The following KAZN variants were observed in gnomAD, a reference collection of about 807,000 sequenced individuals.
KAZN encodes kazrin, periplakin interacting protein.
Under a neutral mutation model 87.4 loss-of-function variants are expected in KAZN, and 40 were observed. The ratio of observed to expected loss-of-function variants is 0.46; its 90% confidence interval spans 0.36 to 0.60. The LOEUF is 0.60. KAZN is among the 20% of genes least tolerant of loss of function. The pLI, the probability that KAZN is intolerant of heterozygous loss-of-function variation, is 0.00. For missense variants in KAZN, 898 were observed against 1,073.9 expected (o/e 0.84, Z 2.29); for synonymous variants, 466 against 458.3 (o/e 1.02, Z -0.22).
chr1:14,788,218 G>A (rs148647724), intron 1 of KAZN, among the ~76,000 whole-genome samples: 19 of 152,256 alleles, frequency 1.2e-4, no homozygotes, highest in East Asian at 3.9e-4. Context: ...AGCCCCAAAC[G>A]CATCAGCCAG....
chr1:15,063,666 A>C, intron 7 of KAZN, 44 bp downstream of exon 7: 1 of 1,464,520 alleles, frequency 6.8e-7, no homozygotes, highest in Non-Finnish European at 9.6e-7. Flanking sequence ...CCTCCACCCC[A>C]CCTTGACTAC....
At chr1:14,248,490 G>A (rs1022342358) in intron 2 of KAZN, among the ~76,000 whole-genome samples, 1 of 152,252 alleles carries the variant, frequency 6.6e-6, no homozygotes. Context: ...AGCAGAGGGT[G>A]TGGATGCCAC....
chr1:14,925,423 C>T (rs977157216), intron 1 of KAZN, among the ~76,000 whole-genome samples: 1 of 152,162 alleles, frequency 6.6e-6, no homozygotes, highest in African/African-American at 2.4e-5. Flanking sequence ...ATAATTATTC[C>T]TTATTCATCG....
At chr1:14,275,444 CTGTGTGTGTGTGTGTGTG>C (rs60684981) in intron 2 of KAZN, among the ~76,000 whole-genome samples, 37 of 136,878 alleles carry the variant, frequency 2.7e-4, no homozygotes, top group African/African-American at 5.6e-4. Context: ...GTGGTAAATA[CTGTGTGTGTGTGTGTGTG>C]TGTGTGTGTG....
intron 1 of KAZN, among the ~76,000 whole-genome samples, chr1:14,945,608 T>C (rs1192651051): frequency 6.6e-6 from 1 of 152,118 alleles, no homozygotes; most frequent in East Asian, 1.9e-4. Context: ...CCTCAAACAC[T>C]GCTCGTTAGT....
At chr1:15,060,342 G>T (rs1302020460) in intron 6 of KAZN, 40 bp downstream of exon 6, 2 of 1,612,150 alleles carry the variant, frequency 1.2e-6, no homozygotes, top group South Asian at 2.2e-5. Context: ...CCTGGGCCCT[G>T]CCCAGAAACT....
At chr1:14,146,011 A>AT (rs374548053) in intron 1 of KAZN, among the ~76,000 whole-genome samples, 13 of 152,232 alleles carry the variant, frequency 8.5e-5, no homozygotes, top group African/African-American at 2.9e-4. Context: ...TCAAACTGTC[A>AT]TATCACTTGA....
chr1:15,030,140 G>A (rs1432411339), intron 2 of KAZN, among the ~76,000 whole-genome samples: 1 of 152,210 alleles, frequency 6.6e-6, no homozygotes, highest in East Asian at 1.9e-4. Flanking sequence ...CCTCTCCTAG[G>A]AGGGCGGCCA....
intron 1 of KAZN, among the ~76,000 whole-genome samples, chr1:14,900,571 G>C (rs1258481030): frequency 6.6e-6 from 1 of 152,038 alleles, no homozygotes; most frequent in Non-Finnish European, 1.5e-5. Flanking sequence ...GGTTAACACG[G>C]TGAAACTCTG....
At chr1:14,005,112 G>A (rs554689806) in intron 1 of KAZN, among the ~76,000 whole-genome samples, 95 of 152,186 alleles carry the variant, frequency 6.2e-4, no homozygotes, top group African/African-American at 2.2e-3. Context: ...ATCAGCAACA[G>A]AAAATGGTCT....
intron 2 of KAZN, among the ~76,000 whole-genome samples, chr1:14,990,411 A>C (rs1382378301): frequency 6.6e-6 from 1 of 152,028 alleles, no homozygotes; most frequent in African/African-American, 2.4e-5. Context: ...TTGTATGGAG[A>C]TGGGGTTTTT....
chr1:14,180,454 C>A, exon 2 of KAZN: 1 of 1,550,156 alleles, frequency 6.5e-7, no homozygotes, highest in Non-Finnish European at 8.7e-7. Context: ...CATTGCACAC[C>A]CTCAATGACC....
chr1:14,191,837 T>C (rs1025303677), intron 2 of KAZN, among the ~76,000 whole-genome samples: 1 of 152,118 alleles, frequency 6.6e-6, no homozygotes, highest in African/African-American at 2.4e-5. Flanking sequence ...AGGCAGGTGA[T>C]GGGTGGCATC....
In KAZN at chr1:14,741,583, G is replaced by T. The variant is rs192027371; in HGVS notation, c.226+142360G>T. ...GGATAGCGTGTGACAGTTTTACTTT[G>T]ATTGAACTAGTATCTTTTTATTTTT... On this transcript the variant is annotated intron_variant, in intron 1 of 14. Coordinates refer to ENST00000376030, the MANE Select transcript of KAZN (RefSeq NM_201628.3). Among the ~76,000 whole-genome samples the T allele has an allele frequency of 2.6e-5, 4 of 152,330 alleles. 1 individual carries two copies. Among genetic ancestry groups the T allele is most frequent in the African/African-American group, 9.6e-5 (4 of 41,566 alleles).
intron 2 of KAZN, among the ~76,000 whole-genome samples, chr1:14,269,784 T>G (rs543632283): frequency 1.3e-5 from 2 of 152,222 alleles, no homozygotes; most frequent in Admixed American, 1.3e-4. Flanking sequence ...TCACCTGAGG[T>G]GAGGCTGCTG....
chr1:14,734,706 A>T (rs1643838785), intron 1 of KAZN, among the ~76,000 whole-genome samples: 1 of 152,176 alleles, frequency 6.6e-6, no homozygotes, highest in Non-Finnish European at 1.5e-5. Flanking sequence ...TCATCGTGTT[A>T]TATGTGACAT....
chr1:14,307,073 AAGC>A (rs1475146263), intron 2 of KAZN, among the ~76,000 whole-genome samples: 1 of 152,206 alleles, frequency 6.6e-6, no homozygotes, highest in Admixed American at 6.5e-5. Flanking sequence ...ACCCAGCAGA[AAGC>A]AGAGTACACA....
intron 2 of KAZN, among the ~76,000 whole-genome samples, chr1:14,518,269 C>T (rs1230121081): frequency 2.0e-5 from 3 of 151,108 alleles, no homozygotes; most frequent in African/African-American, 7.3e-5. Flanking sequence ...CTCCATCTCC[C>T]AGGTTCAAGC....
intron 2 of KAZN, among the ~76,000 whole-genome samples, chr1:14,498,060 T>C (rs901453996): frequency 1.3e-5 from 2 of 151,634 alleles, no homozygotes; most frequent in African/African-American, 2.4e-5. Context: ...TCGTATTCAA[T>C]GTCTGGGACT....
Sources: allele counts gnomAD v4.1 joint callset (sites outside exome capture counted in the v4.1 genomes callset), GRCh38; gene constraint gnomAD v4.1.1; transcripts MANE v1.5; gene names NCBI Gene and HGNC (gene_info 2026-07-23, HGNC 2026-07-21).